Variants in SMAP1 observed in about 807,000 individuals in gnomAD.
SMAP1 encodes the protein small ArfGAP 1.
A neutral mutation model predicts 58.5 loss-of-function variants in SMAP1; 24 were observed. The observed-to-expected ratio is 0.41, with a 90% confidence interval of 0.30 to 0.58. The LOEUF is 0.58. SMAP1 is among the 20% of genes least tolerant of loss of function. SMAP1 has a pLI of 0.29. For synonymous variants in SMAP1, 216 were observed against 196.6 expected (o/e 1.10, Z -0.82); for missense variants, 563 against 566.3 (o/e 0.99, Z 0.06).
chr6:70,859,546 G>GT, intron 10 of SMAP1: 1 of 593,716 alleles, frequency 1.7e-6, no homozygotes, highest in Non-Finnish European at 2.8e-6. Flanking sequence ...AACTCTGAGT[G>GT]TAAGTTTTAA....
intron 1 of SMAP1, among the ~76,000 whole-genome samples, chr6:70,691,967 G>A (rs1367710423): frequency 6.6e-6 from 1 of 152,120 alleles, no homozygotes; most frequent in African/African-American, 2.4e-5. Flanking sequence ...TTTCTTTTGG[G>A]TATATAGCTA....
intron 4 of SMAP1, among the ~76,000 whole-genome samples, chr6:70,778,913 C>T (rs1767652267): frequency 6.6e-6 from 1 of 152,222 alleles, no homozygotes; most frequent in South Asian, 2.1e-4. Flanking sequence ...ACAAGCCATT[C>T]CTCAGTCCTG....
Position 70,817,142 on chromosome 6 carries a change from T to A in SMAP1, c.576+18405T>A, listed in dbSNP as rs553132288. 5.6e-3 allele frequency among the ~76,000 whole-genome samples: 843 copies of A among 149,658 alleles called. 7 individuals carry two copies. Among genetic ancestry groups the A allele is most frequent in the African/African-American group, 0.017 (683 of 41,044 alleles). Reference sequence around the variant, plus strand: ...AGAATATATATATATATATATATTTTTTTTTTGCCATATTCTCTGCTTCTT... The same window carrying A: ...AGAATATATATATATATATATATTTATTTTTTGCCATATTCTCTGCTTCTT... On this transcript the variant is annotated intron_variant, in intron 6 of 10. Transcript: ENST00000370455.
chr6:70,765,377 T>C (rs1229871291), intron 3 of SMAP1, among the ~76,000 whole-genome samples: 1 of 152,206 alleles, frequency 6.6e-6, no homozygotes, highest in African/African-American at 2.4e-5. Context: ...GTCACAAATA[T>C]ATGACATTTC....
intron 4 of SMAP1, among the ~76,000 whole-genome samples, chr6:70,774,224 A>G (rs1165070886): frequency 1.3e-5 from 2 of 152,198 alleles, no homozygotes; most frequent in Non-Finnish European, 2.9e-5. Context: ...GTTTCTCAGA[A>G]TGTATCCCAA....
chr6:70,681,767 TGAG>T (rs1766719318), intron 1 of SMAP1, among the ~76,000 whole-genome samples: 1 of 152,228 alleles, frequency 6.6e-6, no homozygotes, highest in South Asian at 2.1e-4. Flanking sequence ...TTGTTTTTCT[TGAG>T]GAGTTGTGTT....
chr6:70,712,792 CT>C (rs200263418), intron 1 of SMAP1, among the ~76,000 whole-genome samples: 8 of 130,394 alleles, frequency 6.1e-5, no homozygotes, highest in African/African-American at 8.7e-5. Context: ...TTCTTTTTTT[CT>C]TTTCTTTTTT....
intron 2 of SMAP1, among the ~76,000 whole-genome samples, chr6:70,740,126 T>G (rs1765755540): frequency 6.6e-6 from 1 of 152,206 alleles, no homozygotes; most frequent in South Asian, 2.1e-4. Context: ...TAACTTTATA[T>G]GAGATTTTAC....
chr6:70,860,091 C>G, intron 10 of SMAP1, 109 bp from the exon 11 acceptor site: 1 of 1,251,696 alleles, frequency 8.0e-7, no homozygotes, highest in East Asian at 2.5e-5. Flanking sequence ...TATTCCAGTG[C>G]TTGGACTAGT....
intron 2 of SMAP1, among the ~76,000 whole-genome samples, chr6:70,737,517 CTACTT>C (rs1484362320): frequency 6.6e-6 from 1 of 152,212 alleles, no homozygotes; most frequent in African/African-American, 2.4e-5. Flanking sequence ...GCTTAAATCT[CTACTT>C]TAATAAAAGA....
chr6:70,788,289 G>A (rs963344496), intron 4 of SMAP1, among the ~76,000 whole-genome samples: 14 of 130,274 alleles, frequency 1.1e-4, no homozygotes, highest in Admixed American at 2.5e-4. Flanking sequence ...ATCACACTCT[G>A]GGGACTGTTG....
intron 1 of SMAP1, among the ~76,000 whole-genome samples, chr6:70,673,925 A>G (rs2128548251): frequency 6.6e-6 from 1 of 152,262 alleles, no homozygotes; most frequent in South Asian, 2.1e-4. Context: ...TGTTTAAGAT[A>G]AAACTTTCAG....
intron 5 of SMAP1, among the ~76,000 whole-genome samples, chr6:70,798,193 A>T (rs1187818964): frequency 6.6e-6 from 1 of 151,750 alleles, no homozygotes; most frequent in Admixed American, 6.6e-5. Flanking sequence ...AAAAAAGCTG[A>T]TTTTATAGTC....
chr6:70,832,104 C>T (rs1404059880), intron 6 of SMAP1, among the ~76,000 whole-genome samples: 1 of 151,852 alleles, frequency 6.6e-6, no homozygotes, highest in Non-Finnish European at 1.5e-5. Flanking sequence ...CATTTTTTAA[C>T]GGGGTTGTTT....
At chr6:70,758,510 T>TA (rs1197336773) in intron 3 of SMAP1, among the ~76,000 whole-genome samples, 1 of 151,780 alleles carries the variant, frequency 6.6e-6, no homozygotes, top group Non-Finnish European at 1.5e-5. Context: ...CCCTAAAACT[T>TA]AAAGTATAAT....
chr6:70,861,631 G>A lies in SMAP1; in HGVS notation c.*1297G>A. On this transcript the variant is annotated 3_prime_UTR_variant, in exon 11 of 11. Transcript: ENST00000370455. ...CATCCTCTTCCATATGGATCCACTG[G>A]CTGGACAAACTGCACCAGTTGCTGC... 6.3e-7 allele frequency: 1 copy of A among 1,593,468 alleles called. No homozygotes were observed. Among genetic ancestry groups the A allele is most frequent in the Non-Finnish European group, 8.6e-7 (1 of 1,162,612 alleles).
intron 2 of SMAP1, among the ~76,000 whole-genome samples, chr6:70,751,049 G>A (rs1441144648): frequency 6.6e-6 from 1 of 152,048 alleles, no homozygotes; most frequent in Non-Finnish European, 1.5e-5. Flanking sequence ...AGACCAGCCC[G>A]GCCAACATGG....
intron 2 of SMAP1, among the ~76,000 whole-genome samples, chr6:70,737,826 C>G (rs188286898): frequency 2.0e-3 from 311 of 152,258 alleles, no homozygotes; most frequent in Non-Finnish European, 3.1e-3. Context: ...CCCATTTAGC[C>G]TGTATTTTTA....
At chr6:70,752,196 A>G (rs1323292114) in intron 2 of SMAP1, among the ~76,000 whole-genome samples, 1 of 152,226 alleles carries the variant, frequency 6.6e-6, no homozygotes, top group Non-Finnish European at 1.5e-5. Context: ...ATTAACCAGT[A>G]GAAAAATCAT....
Sources: allele counts gnomAD v4.1 joint callset (sites outside exome capture counted in the v4.1 genomes callset), GRCh38; gene constraint gnomAD v4.1.1; transcripts MANE v1.5; gene names NCBI Gene and HGNC (gene_info 2026-07-23, HGNC 2026-07-21).